ELK4: variants seen among roughly 807,000 people sequenced by gnomAD.
The protein encoded by ELK4 is ETS transcription factor ELK4, also known as ETS domain-containing protein Elk-4.
A neutral mutation model predicts 29.6 loss-of-function variants in ELK4; 16 were observed. The observed-to-expected ratio is 0.54, with a 90% CI of 0.37 to 0.82. The LOEUF is 0.82. Among genes scored for constraint, ELK4 ranks in the 40% least tolerant of loss-of-function variants. ELK4 has a pLI of 0.00. For missense variants in ELK4, 465 were observed against 507.1 expected (o/e 0.92, Z 0.80); for synonymous variants, 213 against 191.1 (o/e 1.11, Z -0.95).
intron 1 of ELK4, among the ~76,000 whole-genome samples, chr1:205,624,807 A>T (rs1339123573): frequency 6.6e-6 from 1 of 152,182 alleles, no homozygotes; most frequent in Non-Finnish European, 1.5e-5. Flanking sequence ...ACCATCAAAA[A>T]TATCTCCAGA....
Position 205,614,840 on chromosome 1 carries a change from T to C in ELK4, c.*1706A>G, listed in dbSNP as rs1487992664. On this transcript the variant is annotated 3_prime_UTR_variant, in exon 5 of 5. Coordinates refer to ENST00000357992, the MANE Select transcript of ELK4 (RefSeq NM_001973.4). The stretch of plus-strand genomic sequence containing the variant: ...AGACGAGTTTAACCGGTGGGAGAGA[T>C]TGGTGGGGGAGGGTGGTAGTGGTGG... 2.2e-5 allele frequency: 5 copies of C among 226,532 alleles called. No homozygotes were observed. The highest frequency in any genetic ancestry group is 1.9e-4 in the East Asian group (3 of 15,844). 14.0% of individuals were successfully genotyped at this position (226,532 alleles called of 1,614,324 possible). A position where few individuals can be genotyped will look rare whatever the true frequency, so the allele number is the denominator to read the frequency against.
chr1:205,631,158 G>GA (rs1156690241), intron 1 of ELK4, among the ~76,000 whole-genome samples: 1 of 152,174 alleles, frequency 6.6e-6, no homozygotes, highest in Non-Finnish European at 1.5e-5. Flanking sequence ...GAGCGAAAGA[G>GA]AAAAAGAAAT....
At chr1:205,623,626 G>A (rs1369995044) in intron 2 of ELK4, 50 bp downstream of exon 2, 10 of 1,588,718 alleles carry the variant, frequency 6.3e-6, no homozygotes, top group South Asian at 2.2e-5. Context: ...AGAAGGAATC[G>A]TTCTTGTCTG....
At chr1:205,625,453 C>CTGGTT in intron 1 of ELK4, 1 of 617,302 alleles carries the variant, frequency 1.6e-6, no homozygotes, top group Non-Finnish European at 3.0e-6. Context: ...TTCCTTCAGC[C>CTGGTT]CAGCCTAGTT....
At position 205,620,180 on chromosome 1, in the gene ELK4, G is replaced by C. The variant is rs149593454; in HGVS notation, c.866C>G (p.Pro289Arg). 133 of 1,614,084 alleles carry C rather than the reference G, an allele frequency of 8.2e-5. No homozygotes were observed. The highest frequency in any genetic ancestry group is 1.1e-4 in the Non-Finnish European group (130 of 1,180,044). Residue 289 changes from proline to arginine, a missense_variant, in exon 3 of 5, where the codon CCA (proline) becomes CGA (arginine). Physicochemically the swap from Pro to Arg is moderately radical, Grantham distance 103. This residue lies in a region of ELK4 where 385 missense variants were observed against 387.5 expected (regional missense o/e 0.99). Coordinates refer to ENST00000357992, the MANE Select transcript of ELK4 (RefSeq NM_001973.4). ...DTDIDSVASQ[P>R]MELPENLSLE... ...TGACAAATTCTCTGGAAGTTCCATT[G>C]GCTGAGAAGCCACTGAATCAATGTC...
intron 1 of ELK4, among the ~76,000 whole-genome samples, chr1:205,626,723 C>T (rs991886525): frequency 6.6e-6 from 1 of 152,194 alleles, no homozygotes; most frequent in Non-Finnish European, 1.5e-5. Flanking sequence ...AGCCCTTGTA[C>T]ATTGCTGGTG....
rs1670303842 is a variant in ELK4 at position 205,620,069 on chromosome 1, T to G, written c.977A>C (p.Glu326Ala). Residue 326 changes from glutamate (E) to alanine (A), a missense_variant, in exon 3 of 5, where the codon GAA becomes GCA. Around this residue, in one of 2 missense-constraint regions of ELK4, gnomAD observed 385 missense variants for 387.5 expected, o/e 0.99. Coordinates refer to ENST00000357992, the MANE Select transcript of ELK4 (RefSeq NM_001973.4). Reference protein sequence around the residue: ...SSRSKKPKGLELAPTLVITSS... With the variant: ...SSRSKKPKGLALAPTLVITSS... ...CGTGATCACAAGGGTGGGTGCCAGT[T>G]CTAACCCTTTGGGTTTCTTGGATCT... The G allele has an allele frequency of 2.5e-6, 4 of 1,614,270 alleles. No homozygotes were observed. The East Asian group carries it at 8.9e-5, about 36-fold the overall frequency.
At position 205,612,475 on chromosome 1, in the gene ELK4, A is replaced by C. The variant is rs1200429360; in HGVS notation, c.*4071T>G. 1.4e-5 allele frequency: 3 copies of C among 214,280 alleles called. No homozygotes were observed. Among genetic ancestry groups the C allele is most frequent in the African/African-American group, 6.8e-5 (3 of 44,262 alleles). 13.3% of individuals were successfully genotyped at this position (214,280 alleles called of 1,614,324 possible). A position where few individuals can be genotyped will look rare whatever the true frequency, so the allele number is the denominator to read the frequency against. Reference sequence around the variant, plus strand: ...ATATTACTTTGGTATAGCGGTATATAATTTAACATATACCCATATGAATTT... The same window carrying C: ...ATATTACTTTGGTATAGCGGTATATCATTTAACATATACCCATATGAATTT... On this transcript the variant is annotated 3_prime_UTR_variant, in exon 5 of 5. Transcript: ENST00000357992.
At chr1:205,623,965 T>C in intron 1 of ELK4, 74 bp from the exon 2 acceptor site, 1 of 1,313,808 alleles carries the variant, frequency 7.6e-7, no homozygotes, top group Non-Finnish European at 1.1e-6. Context: ...TCATGCACTG[T>C]TTTAAGTGCT....
Position 205,616,260 on chromosome 1 carries a change from C to T in ELK4, c.*286G>A. The T allele has an allele frequency of 3.1e-6, 1 of 322,438 alleles. No homozygotes were observed. The highest frequency in any genetic ancestry group is 5.8e-6 in the Non-Finnish European group (1 of 171,178). The allele number at this position is 322,438 out of a possible 1,614,324, so 20.0% of individuals were successfully genotyped here. A position where few individuals can be genotyped will look rare whatever the true frequency, so the allele number is the denominator to read the frequency against. On this transcript the variant is annotated 3_prime_UTR_variant, in exon 5 of 5. Transcript: ENST00000357992. ...CCAAAAACTTCTTCAGCACAAAGCT[C>T]AAAATATTTTTAAAGGAGAAAAGAA...
In ELK4 at chr1:205,620,529, CGGCT is replaced by C. The variant is rs1558021380; in HGVS notation, c.513_516del (p.Ala172ArgfsTer73). The C allele has an allele frequency of 6.2e-7, 1 of 1,614,134 alleles. No homozygotes were observed. The highest frequency in any genetic ancestry group is 1.7e-5 in the Admixed American group (1 of 60,006). On this transcript the variant is annotated frameshift_variant, in exon 3 of 5. Transcript: ENST00000357992. LOFTEE classifies it high-confidence loss of function. The stretch of plus-strand genomic sequence containing the variant: ...GGAGATTTTTTCTCTGCCAGTTTCT[CGGCT>C]GGATTCTCAGTCTTTATCAATTTGA...
At chr1:205,625,498 AAAG>A in intron 1 of ELK4, 4 of 719,086 alleles carry the variant, frequency 5.6e-6, no homozygotes, top group South Asian at 1.4e-5. Context: ...ATTCGTGTAC[AAAG>A]AAGAGCATCC....
chr1:205,619,067 T>C lies in ELK4; in HGVS notation c.1087A>G (p.Ile363Val), dbSNP rs757529202. 2 of 1,589,280 alleles carry C rather than the reference T, an allele frequency of 1.3e-6. No homozygotes were observed. The highest frequency in any genetic ancestry group is 8.5e-7 in the Non-Finnish European group (1 of 1,170,410). ...LTPAFFSQTP[I>V]ILTPSPLLSS... ...AGCAAGGGGCTTGGAGTCAGTATGA[T>C]GGGTGTCTGCAATACACAAAGCAAA... is the stretch of plus-strand genomic sequence containing the variant. The change falls in exon 4 of 5, where the codon ATC becomes GTC. Residue 363 changes from isoleucine (I) to valine (V), a missense_variant. Coordinates refer to ENST00000357992, the MANE Select transcript of ELK4 (RefSeq NM_001973.4).
intron 1 of ELK4, among the ~76,000 whole-genome samples, chr1:205,627,277 A>G (rs1467565851): frequency 6.6e-6 from 1 of 152,166 alleles, no homozygotes; most frequent in African/African-American, 2.4e-5. Flanking sequence ...TGGGAGGCCG[A>G]GGTGGGCTGA....
chr1:205,629,973 T>G (rs1670545312), intron 1 of ELK4, among the ~76,000 whole-genome samples: 1 of 150,368 alleles, frequency 6.7e-6, no homozygotes, highest in Non-Finnish European at 1.5e-5. Context: ...AGATGGAGGT[T>G]GCAGTGAGCA....
chr1:205,621,532 T>C (rs959286972), intron 2 of ELK4, among the ~76,000 whole-genome samples: 1 of 152,110 alleles, frequency 6.6e-6, no homozygotes, highest in Non-Finnish European at 1.5e-5. Flanking sequence ...ATTTACTTAT[T>C]TTTTTGAGAT....
chr1:205,625,920 G>A lies in ELK4; in HGVS notation c.-9-2029C>T, dbSNP rs184074760. The A allele has an allele frequency of 4.1e-4, 307 of 750,174 alleles. 1 individual carries two copies. In the African/African-American group the frequency reaches 4.1e-3, roughly 10 times the overall value. The allele number at this position is 750,174 out of a possible 1,614,324, so 46.5% of individuals were successfully genotyped here. ...TCTTGAACTCCTGACCTCATGATCC[G>A]CCTGCCTTGGCCTCCCAAAATGCTG... On this transcript the variant is annotated intron_variant, in intron 1 of 4. Coordinates refer to ENST00000357992, the MANE Select transcript of ELK4 (RefSeq NM_001973.4).
Position 205,619,080 on chromosome 1 carries a change from T to G in ELK4, c.1081-7A>C. ...GAGTCAGTATGATGGGTGTCTGCAATACACAAAGCAAAAATATTCACTGAC... is the reference window on the plus strand; with the variant it reads ...GAGTCAGTATGATGGGTGTCTGCAAGACACAAAGCAAAAATATTCACTGAC... On this transcript the variant is annotated splice_polypyrimidine_tract_variant and splice_region_variant and intron_variant, in intron 3 of 4. Coordinates refer to ENST00000357992, the MANE Select transcript of ELK4 (RefSeq NM_001973.4). The G allele has an allele frequency of 6.5e-7, 1 of 1,529,718 alleles. No homozygotes were observed. The highest frequency in any genetic ancestry group is 8.8e-7 in the Non-Finnish European group (1 of 1,137,332). The allele number at this position is 1,529,718 out of a possible 1,614,324, so 94.8% of individuals were successfully genotyped here. A position where few individuals can be genotyped will look rare whatever the true frequency, so the allele number is the denominator to read the frequency against.
At position 205,626,942 on chromosome 1, in the gene ELK4, A is replaced by G. The variant is rs189470210; in HGVS notation, c.-9-3051T>C. On this transcript the variant is annotated intron_variant, in intron 1 of 4. Transcript: ENST00000357992. ...TGAATGGATAAATAATATGTGGCAC[A>G]TTCATAATGGGGTATCATCCAGCCA... Among the ~76,000 whole-genome samples the G allele has an allele frequency of 3.9e-5, 6 of 152,370 alleles. No individual in the cohort carries two copies. The East Asian group carries it at 7.7e-4, about 20-fold the overall frequency.
Sources: gnomAD v4.1 joint callset for allele counts (sites outside exome capture counted in the v4.1 genomes callset) on GRCh38, gnomAD v4.1.1 for gene constraint, gnomAD v4.1.1 regional missense constraint, MANE v1.5 for transcripts, NCBI Gene and HGNC (gene_info 2026-07-23, HGNC 2026-07-21) for gene names.